ZZEF1: variants seen among roughly 807,000 people sequenced by gnomAD.
The protein encoded by ZZEF1 is zinc finger ZZ-type and EF-hand domain-containing protein 1.
Under a neutral mutation model 342.8 loss-of-function variants are expected in ZZEF1, and 157 were observed. That is an observed-to-expected ratio of 0.46 (90% CI 0.40 to 0.52). ZZEF1 has a LOEUF of 0.52. Ranked by LOEUF, ZZEF1 falls within the 20% of genes least tolerant of loss-of-function variation. The probability of loss-of-function intolerance (pLI) is 0.00; values close to 1 mark genes in which losing one functional copy is unlikely to be tolerated. For missense variants in ZZEF1, 3,480 were observed against 3,725.6 expected, an observed-to-expected ratio of 0.93 and a Z score of 1.72; for synonymous variants, 1,505 against 1,429.1, an observed-to-expected ratio of 1.05 and a Z score of -1.20.
chr17:4,041,601 C>G (rs897878944), intron 39 of ZZEF1, among the ~76,000 whole-genome samples: 1 of 152,150 alleles, frequency 6.6e-6, no homozygotes, highest in African/African-American at 2.4e-5. Flanking sequence ...AGATTGTCAG[C>G]TATTCCTAAA....
Position 4,125,214 on chromosome 17 carries a change from C to A in ZZEF1, c.355-1163G>T, listed in dbSNP as rs577307306. ...AACCCTTCCTCAACAATGCCTTCTGCCCTCCTGCTGATACACTCACTCACA... is the reference window on the plus strand; with the variant it reads ...AACCCTTCCTCAACAATGCCTTCTGACCTCCTGCTGATACACTCACTCACA... On this transcript the variant is annotated intron_variant, in intron 1 of 54. Transcript: ENST00000381638. 6.9e-4 allele frequency among the ~76,000 whole-genome samples: 102 copies of A among 147,652 alleles called. 1 individual carries two copies. The highest frequency in any genetic ancestry group is 2.6e-3 in the African/African-American group (101 of 39,350).
intron 18 of ZZEF1, 130 bp from the exon 19 acceptor site, chr17:4,078,172 G>A: frequency 1.1e-6 from 1 of 922,718 alleles, no homozygotes; most frequent in Non-Finnish European, 1.6e-6. Context: ...TCATGAAACA[G>A]CTTTCAACCC....
chr17:4,013,213 A>G (rs2056011592), intron 52 of ZZEF1, among the ~76,000 whole-genome samples: 1 of 152,238 alleles, frequency 6.6e-6, no homozygotes. Context: ...TAAGTGTGAA[A>G]GGAAAAACAA....
intron 23 of ZZEF1, 70 bp downstream of exon 23, chr17:4,075,027 C>T: frequency 6.7e-7 from 1 of 1,490,864 alleles, no homozygotes; most frequent in Non-Finnish European, 9.3e-7. Context: ...CCTCTACTGC[C>T]CCCTGAAGGC....
chr17:4,114,179 T>A (rs1296062719), intron 4 of ZZEF1, 120 bp downstream of exon 4: 2 of 708,424 alleles, frequency 2.8e-6, no homozygotes, highest in Non-Finnish European at 4.2e-6. Flanking sequence ...TGATTTTACA[T>A]GATTCATTTT....
At chr17:4,136,172 C>T (rs146036451) in intron 1 of ZZEF1, among the ~76,000 whole-genome samples, 5 of 150,236 alleles carry the variant, frequency 3.3e-5, no homozygotes, top group African/African-American at 4.9e-5. Flanking sequence ...GTGAAACCCC[C>T]GTCTCTACTA....
rs772397972 is a variant in ZZEF1, at chr17:4,074,248, G to A, written c.3587C>T (p.Pro1196Leu). 6.2e-7 allele frequency: 1 copy of A among 1,614,116 alleles called. No individual in the cohort carries two copies. Among genetic ancestry groups the A allele is most frequent in the Non-Finnish European group, 8.5e-7 (1 of 1,180,032 alleles). The change falls in exon 24 of 55, where the codon CCC becomes CTC. Residue 1196 changes from proline to leucine, a missense_variant. Transcript: ENST00000381638. ...CAGCCCCCAAGACACGGCAACATCG[G>A]GCAGCCCACAGGCAGTGACAGTGAA... ...YKFTVTACGL[P>L]DVAVSWGLDL... is the part of the protein sequence containing the mutation.
rs2145554048 is a variant in ZZEF1, at chr17:4,123,956, C to T, written c.450G>A (p.Gly150=). The T allele has an allele frequency of 6.2e-7, 1 of 1,613,962 alleles. No homozygotes were observed. The highest frequency in any genetic ancestry group is 1.1e-5 in the South Asian group (1 of 91,078). The stretch of plus-strand genomic sequence containing the variant: ...GTTGTCTGATGATGTGGCTCAGCTC[C>T]CCCTGAAGATTAGCTCCACTGGAAT... The part of the protein sequence containing the change: ...LKNSSGANLQ[G]ELSHIIRQLQ... Residue 150 remains glycine, a synonymous_variant, in exon 2 of 55, where the codon GGG becomes GGA. Transcript: ENST00000381638.
chr17:4,033,049 T>G (rs1406250891), intron 40 of ZZEF1, 47 bp from the exon 41 acceptor site: 1 of 1,521,212 alleles, frequency 6.6e-7, no homozygotes, highest in Non-Finnish European at 8.9e-7. Context: ...GGCTCCAAAC[T>G]CAACTCGTTA....
intron 39 of ZZEF1, among the ~76,000 whole-genome samples, chr17:4,039,934 G>A (rs1020055891): frequency 2.0e-5 from 3 of 151,988 alleles, no homozygotes; most frequent in African/African-American, 4.8e-5. Context: ...GTGAGCCACC[G>A]TGCCCAGCCG....
chr17:4,023,477 T>C (rs3765), intron 43 of ZZEF1, among the ~76,000 whole-genome samples: 76,517 of 151,724 alleles, frequency 0.5, 21,590 homozygotes, highest in African/African-American at 0.77. Context: ...TTTCCTACTA[T>C]GATGTAAACA....
intron 39 of ZZEF1, among the ~76,000 whole-genome samples, chr17:4,041,374 T>C (rs1253949155): frequency 2.0e-5 from 3 of 151,994 alleles, no homozygotes; most frequent in Non-Finnish European, 4.4e-5. Context: ...CACGTAGAAG[T>C]TCACGTAAAA....
chr17:4,056,115 C>T, intron 33 of ZZEF1, 101 bp downstream of exon 33: 1 of 1,284,048 alleles, frequency 7.8e-7, no homozygotes, highest in Non-Finnish European at 1.0e-6. Context: ...ATGCCACCTG[C>T]AGCCCTCTCA....
At chr17:4,117,669 G>GTT in intron 2 of ZZEF1, among the ~76,000 whole-genome samples, 1 of 96,824 alleles carries the variant, frequency 1.0e-5, no homozygotes, top group Non-Finnish European at 2.2e-5. Flanking sequence ...AAAAAAAAAA[G>GTT]AATTAATTTA....
Position 4,016,220 on chromosome 17 carries a change from G to A in ZZEF1, c.8145+103C>T, listed in dbSNP as rs1833975897. On this transcript the variant is annotated intron_variant, in intron 49 of 54. Coordinates refer to ENST00000381638, the MANE Select transcript of ZZEF1 (RefSeq NM_015113.4). The surrounding 1 kb of genome is among the most constrained non-coding windows in gnomAD (Gnocchi z 4.4). ...GACAGGTCTCTGCTGTCCAGCGGGA[G>A]AGAGCCACAGAGGGGCTGAGCATGG... 2.1e-6 allele frequency: 3 copies of A among 1,398,516 alleles called. No individual in the cohort carries two copies. Among genetic ancestry groups the A allele is most frequent in the Admixed American group, 4.5e-5 (2 of 44,212 alleles). 86.6% of individuals were successfully genotyped at this position (1,398,516 alleles called of 1,614,324 possible). A position where few individuals can be genotyped will look rare whatever the true frequency, so the allele number is the denominator to read the frequency against.
At chr17:4,056,114 G>A (rs758112066) in intron 33 of ZZEF1, 102 bp downstream of exon 33, 48 of 1,288,292 alleles carry the variant, frequency 3.7e-5, no homozygotes, top group African/African-American at 6.1e-5. Flanking sequence ...AATGCCACCT[G>A]CAGCCCTCTC....
At chr17:4,050,525 A>G (rs915976076) in intron 36 of ZZEF1, among the ~76,000 whole-genome samples, 4 of 152,242 alleles carry the variant, frequency 2.6e-5, no homozygotes, top group Non-Finnish European at 5.9e-5. Flanking sequence ...AGATATAAAG[A>G]GTTTTAATTA....
intron 53 of ZZEF1, 186 bp downstream of exon 53, chr17:4,009,418 T>C: frequency 1.3e-6 from 1 of 760,324 alleles, no homozygotes; most frequent in Non-Finnish European, 2.1e-6. Context: ...ATCTCAGAGC[T>C]GACCTGAGGG....
At position 4,103,610 on chromosome 17, in the gene ZZEF1, G is replaced by A. The variant is rs186512851; in HGVS notation, c.1573+1023C>T. The stretch of plus-strand genomic sequence containing the variant: ...GAAGCCATTAAGTCAGTCACACTAA[G>A]ACGAAGGTAGAAACCTCACGGCAGA... On this transcript the variant is annotated intron_variant, in intron 8 of 54. Coordinates refer to ENST00000381638, the MANE Select transcript of ZZEF1 (RefSeq NM_015113.4). Among the ~76,000 whole-genome samples, 19 of 152,032 alleles carry A rather than the reference G, an allele frequency of 1.2e-4. No homozygotes were observed. The East Asian group carries it at 3.7e-3, about 29-fold the overall frequency.
Sources: allele counts gnomAD v4.1 joint callset (sites outside exome capture counted in the v4.1 genomes callset), GRCh38; gene constraint gnomAD v4.1.1; non-coding constraint Gnocchi (gnomAD v3.1); transcripts MANE v1.5; gene names NCBI Gene and HGNC (gene_info 2026-07-23, HGNC 2026-07-21).